The following OBSL1 variants were observed in gnomAD, a reference collection of about 807,000 sequenced individuals.
The protein encoded by OBSL1 is obscurin like cytoskeletal adaptor 1.
OBSL1 carries 160 observed loss-of-function variants against 172.0 expected under a neutral mutation model. That is an observed-to-expected ratio of 0.93 (90% CI 0.82 to 1.06). The LOEUF (loss-of-function observed/expected upper bound fraction) is 1.06, where lower values mean the gene tolerates loss of function less well. Ranked by LOEUF, OBSL1 falls within the 50% of genes least tolerant of loss-of-function variation. The probability of loss-of-function intolerance (pLI) is 0.00; values close to 1 mark genes in which losing one functional copy is unlikely to be tolerated. For synonymous variants in OBSL1, 1,200 were observed against 1,196.3 expected (o/e 1.00, Z -0.06); for missense variants, 2,681 against 2,715.4 (o/e 0.99, Z 0.28).
intron 8 of OBSL1, among the ~76,000 whole-genome samples, chr2:219,561,339 C>T (rs574758065): frequency 6.6e-6 from 1 of 152,164 alleles, no homozygotes; most frequent in East Asian, 1.9e-4. Context: ...CGCTGTGAGC[C>T]GTCACCCCGA....
At chr2:219,556,833 G>A in intron 12 of OBSL1, 110 bp from the exon 13 acceptor site, 2 of 1,203,254 alleles carry the variant, frequency 1.7e-6, no homozygotes, top group Non-Finnish European at 2.3e-6. Flanking sequence ...CAGACCTTCT[G>A]TGAGGACCTA....
At chr2:219,554,914 CG>C in intron 14 of OBSL1, 174 bp from the exon 15 acceptor site, 1 of 617,426 alleles carries the variant, frequency 1.6e-6, no homozygotes, top group Non-Finnish European at 2.7e-6. Context: ...ACAGATTTGG[CG>C]GGGGGAGGGC....
intron 12 of OBSL1, chr2:219,556,925 A>G: frequency 1.8e-6 from 1 of 569,840 alleles, no homozygotes; most frequent in African/African-American, 1.9e-5. Context: ...TCATAATCCT[A>G]GCCTAGCACC....
chr2:219,549,179 T>A (rs1695472127), downstream of OBSL1: 4 of 1,613,980 alleles, frequency 2.5e-6, no homozygotes, highest in South Asian at 4.4e-5. Context: ...CGCCGACGCG[T>A]GCAACTGATG....
At chr2:219,549,627 G>T, downstream of OBSL1, 5 of 1,571,870 alleles carry the variant, frequency 3.2e-6, no homozygotes, top group Non-Finnish European at 4.3e-6. Flanking sequence ...GCAGTCTATA[G>T]AAGTGTCAGG....
At chr2:219,560,613 G>C (rs1022288014) in intron 8 of OBSL1, among the ~76,000 whole-genome samples, 5 of 152,140 alleles carry the variant, frequency 3.3e-5, no homozygotes, top group Admixed American at 2.0e-4. Context: ...CCAGGGTTGG[G>C]GGGGTGGGGG....
In OBSL1 at chr2:219,558,052, A is replaced by G. The variant is rs2278201; in HGVS notation, c.3561T>C (p.Pro1187=). The G allele has an allele frequency of 0.44, 715,276 of 1,613,054 alleles. 161,790 individuals are homozygous for G. The highest frequency in any genetic ancestry group is 0.53 in the Admixed American group (31,981 of 59,906). ...CACAGCTCAGCACCACTGGCTCCCCAGGGGCCACACAGAGCGGGCTTGGAG... is the reference window on the plus strand; with the variant it reads ...CACAGCTCAGCACCACTGGCTCCCCGGGGGCCACACAGAGCGGGCTTGGAG... The part of the protein sequence containing the change: ...ETTPSPLCVA[P]GEPVVLSCEL... Residue 1187 remains proline (P), a synonymous_variant, in exon 11 of 21, where the codon CCT becomes CCC. Coordinates refer to ENST00000404537, the MANE Select transcript of OBSL1 (RefSeq NM_015311.3).
At chr2:219,547,462 G>A (rs183692733), downstream of OBSL1, 95 of 1,387,564 alleles carry the variant, frequency 6.8e-5, no homozygotes, top group East Asian at 1.9e-3. Flanking sequence ...CCTCCAGCCT[G>A]GTGCCCTCAT....
In OBSL1 at chr2:219,558,100, C is replaced by T. The variant is rs1465833779; in HGVS notation, c.3513G>A (p.Val1171=). 3.2e-5 allele frequency: 52 copies of T among 1,613,484 alleles called. No homozygotes were observed. Among genetic ancestry groups the T allele is most frequent in the Non-Finnish European group, 4.4e-5 (52 of 1,179,740 alleles). Residue 1171 remains valine, a synonymous_variant, in exon 11 of 21, where the codon GTG becomes GTA. Transcript: ENST00000404537. ...GAGTTGTCTCTAGAGCAAGGAACTG[C>T]ACTGGAGGCTCTGGAGAAGAGAGGA... The part of the protein sequence containing the change: ...TFNVILAEPP[V]QFLALETTPS...
chr2:219,558,225 TCA>T lies in OBSL1; in HGVS notation c.3459_3460del (p.Cys1153Ter), dbSNP rs757802630. 5.0e-6 allele frequency: 8 copies of T among 1,609,956 alleles called. No homozygotes were observed. Among genetic ancestry groups the T allele is most frequent in the Middle Eastern group, 1.6e-4 (1 of 6,074 alleles). Reference sequence around the variant, plus strand: ...GAAGGTGATGGCCTCATGCCGGGTCTCACACACATACTCCCCGGCGTCCTCAG... The same window carrying T: ...GAAGGTGATGGCCTCATGCCGGGTCTCACACATACTCCCCGGCGTCCTCAG... On this transcript the variant is annotated stop_gained and frameshift_variant, in exon 10 of 21. Transcript: ENST00000404537. LOFTEE classifies it high-confidence loss of function.
chr2:219,570,504 C>T lies in OBSL1; in HGVS notation c.729G>A (p.Pro243=), dbSNP rs200417841. ...PPADPDEAPA[P]VVEPLKCAPK... is the part of the protein sequence containing the mutation. ...GCGCGCACTTGAGCGGCTCCACCAC[C>T]GGCGCGGGGGCCTCGTCGGGGTCCG... The change falls in exon 1 of 21, where the codon CCG becomes CCA. Residue 243 remains proline, a synonymous_variant. Transcript: ENST00000404537. 413 of 1,611,368 alleles carry T rather than the reference C, an allele frequency of 2.6e-4. 7 individuals are homozygous for T. The East Asian group carries it at 8.6e-3, about 33-fold the overall frequency.
chr2:219,571,513 C>T lies in OBSL1; in HGVS notation c.-281G>A, dbSNP rs1697354285. ...CCAGCGAGTGGCCCCGCAGCCTCCC[C>T]TGCCCGCTGCCTGGCTTCCTGCTCT... is the stretch of plus-strand genomic sequence containing the variant. On this transcript the variant is annotated 5_prime_UTR_variant, in exon 1 of 21. Coordinates refer to ENST00000404537, the MANE Select transcript of OBSL1 (RefSeq NM_015311.3). The T allele has an allele frequency of 4.0e-6, 1 of 251,592 alleles. No homozygotes were observed. Among genetic ancestry groups the T allele is most frequent in the East Asian group, 7.5e-5 (1 of 13,354 alleles). 15.6% of individuals were successfully genotyped at this position (251,592 alleles called of 1,614,324 possible).
chr2:219,559,803 T>A (rs535989337), intron 8 of OBSL1, among the ~76,000 whole-genome samples: 1 of 152,230 alleles, frequency 6.6e-6, no homozygotes, highest in South Asian at 2.1e-4. Context: ...ACATACTACA[T>A]TCACCCTAAG....
At position 219,554,728 on chromosome 2, in the gene OBSL1, C is replaced by T. The variant is rs1255704815; in HGVS notation, c.4622G>A (p.Arg1541Lys). 6.4e-7 allele frequency: 1 copy of T among 1,552,784 alleles called. No individual in the cohort carries two copies. Among genetic ancestry groups the T allele is most frequent in the Non-Finnish European group, 8.7e-7 (1 of 1,146,336 alleles). The change falls in exon 15 of 21, where the codon AGG becomes AAG. Residue 1541 changes from arginine to lysine, a missense_variant. By Grantham distance (26) the Arg-to-Lys change is conservative. Coordinates refer to ENST00000404537, the MANE Select transcript of OBSL1 (RefSeq NM_015311.3). ...ARLSVRPRQL[R>K]VLRPLEDVTI... is the part of the protein sequence containing the mutation. ...CACGTCCTCCAGAGGCCGCAGCACC[C>T]TCAGCTGCCTCGCTGGCCGGGGGAG... is the stretch of plus-strand genomic sequence containing the variant.
Position 219,570,686 on chromosome 2 carries a change from G to T in OBSL1, c.547C>A (p.Arg183Ser), listed in dbSNP as rs754564362. 2.4e-4 allele frequency: 356 copies of T among 1,508,552 alleles called. 1 individual carries two copies. The highest frequency in any genetic ancestry group is 3.1e-4 in the Non-Finnish European group (350 of 1,134,826). The allele number at this position is 1,508,552 out of a possible 1,614,324, so 93.4% of individuals were successfully genotyped here. A position where few individuals can be genotyped will look rare whatever the true frequency, so the allele number is the denominator to read the frequency against. The change falls in exon 1 of 21, where the codon CGC becomes AGC. Residue 183 changes from arginine (R) to serine (S), a missense_variant. By Grantham distance (110) the Arg-to-Ser change is moderately radical (BLOSUM62 -1). Transcript: ENST00000404537. ...CTCGCGCCGGGGCCGTCCTCGGCGC[G>T]GCCCGGCTGGAGCGCGAAGTGGCTG... Reference protein sequence around the residue: ...DSSHFALQPGRAEDGPGASLA... With the variant: ...DSSHFALQPGSAEDGPGASLA...
chr2:219,550,079 T>A, downstream of OBSL1: 2 of 573,146 alleles, frequency 3.5e-6, no homozygotes, highest in Non-Finnish European at 6.1e-6. Flanking sequence ...GTGAACCCCA[T>A]TGGGGTGTGC....
Position 219,567,011 on chromosome 2 carries a change from C to T in OBSL1, c.1953G>A (p.Gly651=). The T allele has an allele frequency of 6.2e-7, 1 of 1,613,724 alleles. No individual in the cohort carries two copies. Among genetic ancestry groups the T allele is most frequent in the Non-Finnish European group, 8.5e-7 (1 of 1,179,892 alleles). ...TIIQGTWFLN[G]EELKSNEPEG... ...CCGGCTCGTTACTCTTGAGCTCTTC[C>T]CCATTAAGGAACCAGGTACCCTGGA... The change falls in exon 5 of 21, where the codon GGG becomes GGA. Residue 651 remains glycine, a synonymous_variant. Coordinates refer to ENST00000404537, the MANE Select transcript of OBSL1 (RefSeq NM_015311.3).
chr2:219,549,036 G>T, downstream of OBSL1: 1 of 1,153,688 alleles, frequency 8.7e-7, no homozygotes. Context: ...GGAGTAAGGG[G>T]TTATGGACAA....
In OBSL1 at chr2:219,566,902, G is replaced by C; in HGVS notation, c.2062C>G (p.His688Asp). ...CCGACCAGGGCACCGCTGTCCTGGT[G>C]CTTGACGGCATGCAGGATGAGTCTG... Reference protein sequence around the residue: ...QHRLILHAVKHQDSGALVGFS... With the variant: ...QHRLILHAVKDQDSGALVGFS... Residue 688 changes from histidine (H) to aspartate (D), a missense_variant, in exon 5 of 21, where the codon CAC becomes GAC. Coordinates refer to ENST00000404537, the MANE Select transcript of OBSL1 (RefSeq NM_015311.3). 6.2e-7 allele frequency: 1 copy of C among 1,610,196 alleles called. No homozygotes were observed. The highest frequency in any genetic ancestry group is 8.5e-7 in the Non-Finnish European group (1 of 1,176,764).
Sources: gnomAD v4.1 joint callset for allele counts (sites outside exome capture counted in the v4.1 genomes callset) on GRCh38, gnomAD v4.1.1 for gene constraint, MANE v1.5 for transcripts, NCBI Gene and HGNC (gene_info 2026-07-23, HGNC 2026-07-21) for gene names.